UBAC2: variants seen among roughly 807,000 people sequenced by gnomAD.
The protein encoded by UBAC2 is ubiquitin-associated domain-containing protein 2.
UBAC2 carries 26 observed loss-of-function variants against 44.0 expected under a neutral mutation model. That is an observed-to-expected ratio of 0.59 (90% CI 0.43 to 0.82). The LOEUF is 0.82. UBAC2 is among the 40% of genes least tolerant of loss of function. The probability of loss-of-function intolerance (pLI) is 0.00; values close to 1 mark genes in which losing one functional copy is unlikely to be tolerated. For synonymous variants in UBAC2, 155 were observed against 154.3 expected (o/e 1.00, Z -0.04); for missense variants, 329 against 419.4 (o/e 0.78, Z 1.88).
intron 1 of UBAC2, among the ~76,000 whole-genome samples, chr13:99,237,364 G>A (rs968103098): frequency 1.3e-5 from 2 of 151,786 alleles, no homozygotes; most frequent in African/African-American, 4.8e-5. Context: ...GATGGAACTA[G>A]AAGACATGTA....
intron 4 of UBAC2, among the ~76,000 whole-genome samples, chr13:99,294,008 A>G (rs2044130082): frequency 6.6e-6 from 1 of 152,208 alleles, no homozygotes; most frequent in Admixed American, 6.5e-5. Context: ...CCAGTTGACT[A>G]CCTGGAAAGG....
At chr13:99,297,074 A>G (rs1395244965) in intron 4 of UBAC2, among the ~76,000 whole-genome samples, 1 of 152,192 alleles carries the variant, frequency 6.6e-6, no homozygotes. Context: ...CAATGTGTCA[A>G]TGCATAATTT....
At chr13:99,252,851 A>G (rs1347868429) in intron 4 of UBAC2, among the ~76,000 whole-genome samples, 1 of 151,944 alleles carries the variant, frequency 6.6e-6, no homozygotes, top group Non-Finnish European at 1.5e-5. Context: ...CACTTTCTTG[A>G]TTTTGTATCA....
intron 1 of UBAC2, among the ~76,000 whole-genome samples, chr13:99,209,372 C>A (rs2042912903): frequency 6.6e-6 from 1 of 152,220 alleles, no homozygotes; most frequent in Non-Finnish European, 1.5e-5. Flanking sequence ...GACTGCCTTG[C>A]AATCACTCTT....
At chr13:99,311,587 A>G (rs1464879624) in intron 4 of UBAC2, among the ~76,000 whole-genome samples, 1 of 152,268 alleles carries the variant, frequency 6.6e-6, no homozygotes, top group African/African-American at 2.4e-5. Flanking sequence ...AATCCAACCA[A>G]TATTGAATAT....
rs377730318 is a variant in UBAC2, at chr13:99,334,287, A to G, written c.562-6033A>G. On this transcript the variant is annotated intron_variant, in intron 6 of 8. Transcript: ENST00000403766. ...TTGTATTGTTGAGCTTTTAAGGTATATAGGTGTAAAATATGACAGAAGTAA... is the reference window on the plus strand; with the variant it reads ...TTGTATTGTTGAGCTTTTAAGGTATGTAGGTGTAAAATATGACAGAAGTAA... 8.5e-5 allele frequency among the ~76,000 whole-genome samples: 13 copies of G among 152,316 alleles called. No individual in the cohort carries two copies. In the East Asian group the frequency reaches 1.9e-3, roughly 23 times the overall value.
At position 99,295,592 on chromosome 13, in the gene UBAC2, G is replaced by A; in HGVS notation, c.390-18505G>A. 1 of 1,613,996 alleles carries A rather than the reference G, an allele frequency of 6.2e-7. No individual in the cohort carries two copies. The stretch of plus-strand genomic sequence containing the variant: ...AAGAGATTTAGTTTCTTCAAAGTTT[G>A]GATACTCCATGCATGTAATCCTTTC... On this transcript the variant is annotated intron_variant, in intron 4 of 8. Coordinates refer to ENST00000403766, the MANE Select transcript of UBAC2 (RefSeq NM_001144072.2). The surrounding 1 kb of genome is among the most constrained non-coding windows in gnomAD (Gnocchi z 4.1).
chr13:99,332,503 G>A (rs1429282564), intron 6 of UBAC2, among the ~76,000 whole-genome samples: 2 of 152,166 alleles, frequency 1.3e-5, no homozygotes, highest in African/African-American at 4.8e-5. Flanking sequence ...AGCTTCTGCT[G>A]TTGGCATATG....
chr13:99,281,340 A>G (rs1160294), intron 4 of UBAC2, among the ~76,000 whole-genome samples: 81,633 of 151,886 alleles, frequency 0.54, 22,164 homozygotes, highest in Middle Eastern at 0.7. Context: ...CCTAAGAGAG[A>G]AGCATATAAT....
chr13:99,255,049 A>G, intron 4 of UBAC2: 1 of 1,614,174 alleles, frequency 6.2e-7, no homozygotes, highest in Non-Finnish European at 8.5e-7. Flanking sequence ...GCTGAGGTTC[A>G]TGAGGAAGGT....
intron 4 of UBAC2, among the ~76,000 whole-genome samples, chr13:99,293,027 A>G (rs1390500311): frequency 6.6e-6 from 1 of 152,210 alleles, no homozygotes; most frequent in Admixed American, 6.5e-5. Flanking sequence ...GTGTATGAAC[A>G]GTGGCTTGAT....
intron 4 of UBAC2, among the ~76,000 whole-genome samples, chr13:99,299,982 A>C (rs2044234497): frequency 6.6e-6 from 1 of 152,216 alleles, no homozygotes; most frequent in African/African-American, 2.4e-5. Context: ...TAGCACAGGC[A>C]GCTGTTTCAT....
At chr13:99,314,978 T>A (rs1248826685) in intron 5 of UBAC2, 1 of 152,228 alleles carries the variant, frequency 6.6e-6, no homozygotes, top group East Asian at 1.9e-4. Context: ...ATCCACTGAT[T>A]AATACTCATA....
intron 1 of UBAC2, among the ~76,000 whole-genome samples, chr13:99,231,177 C>A (rs2043168346): frequency 6.6e-6 from 1 of 152,174 alleles, no homozygotes; most frequent in South Asian, 2.1e-4. Flanking sequence ...TGTAACCCAA[C>A]ATAGTCACAG....
At chr13:99,331,386 A>T (rs560627859) in intron 6 of UBAC2, among the ~76,000 whole-genome samples, 1 of 152,366 alleles carries the variant, frequency 6.6e-6, no homozygotes, top group East Asian at 1.9e-4. Flanking sequence ...ATGATTTCCC[A>T]AAAGGAAAAG....
intron 7 of UBAC2, among the ~76,000 whole-genome samples, chr13:99,364,684 A>G (rs1566523740): frequency 6.6e-6 from 1 of 152,178 alleles, no homozygotes; most frequent in African/African-American, 2.4e-5. Flanking sequence ...ATATCCAGAA[A>G]AGTACATGCT....
chr13:99,250,755 C>CT (rs140189830), intron 4 of UBAC2, among the ~76,000 whole-genome samples: 1,740 of 150,430 alleles, frequency 0.012, 15 homozygotes, highest in Non-Finnish European at 0.018. Context: ...TTTCTTTTTT[C>CT]TTTTTTTTTG....
In UBAC2 at chr13:99,385,802, A is replaced by G. The variant is rs947039191; in HGVS notation, c.*467A>G. On this transcript the variant is annotated 3_prime_UTR_variant, in exon 9 of 9. Transcript: ENST00000403766. ...GTTTTTTCTCTCAAACTTGTTTTCG[A>G]ATCTCCTGGGAGTGAGGGAGAAACA... The G allele has an allele frequency of 1.2e-5, 2 of 164,758 alleles. No homozygotes were observed. Among genetic ancestry groups the G allele is most frequent in the Non-Finnish European group, 2.7e-5 (2 of 74,236 alleles). The allele number at this position is 164,758 out of a possible 1,614,324, so 10.2% of individuals were successfully genotyped here. A position where few individuals can be genotyped will look rare whatever the true frequency, so the allele number is the denominator to read the frequency against.
chr13:99,257,928 T>A (rs1162987514), intron 4 of UBAC2, among the ~76,000 whole-genome samples: 1 of 152,156 alleles, frequency 6.6e-6, no homozygotes, highest in Non-Finnish European at 1.5e-5. Flanking sequence ...ACATAGTTTG[T>A]TATGTTTATT....
Sources: allele counts gnomAD v4.1 joint callset (sites outside exome capture counted in the v4.1 genomes callset), GRCh38; gene constraint gnomAD v4.1.1; non-coding constraint Gnocchi (gnomAD v3.1); transcripts MANE v1.5; gene names NCBI Gene and HGNC (gene_info 2026-07-23, HGNC 2026-07-21).